Variants in NNT observed in about 807,000 individuals in gnomAD.
NNT encodes nicotinamide nucleotide transhydrogenase.
Under a neutral mutation model 104.8 loss-of-function variants are expected in NNT, and 50 were observed. The observed-to-expected ratio is 0.48, with a 90% confidence interval of 0.38 to 0.60. The LOEUF (loss-of-function observed/expected upper bound fraction) is 0.60. Ranked by LOEUF, NNT falls within the 20% of genes least tolerant of loss-of-function variation. NNT has a pLI of 0.00. For missense variants in NNT, 1,131 were observed against 1,330.7 expected (o/e 0.85, Z 2.33); for synonymous variants, 461 against 490.4 (o/e 0.94, Z 0.79).
At chr5:43,646,590 A>G (rs967637812) in intron 10 of NNT, among the ~76,000 whole-genome samples, 5 of 152,046 alleles carry the variant, frequency 3.3e-5, no homozygotes, top group Admixed American at 6.6e-5. Context: ...TCTACATCAA[A>G]TGTATTGAGA....
In NNT at chr5:43,624,098, A is replaced by G. The variant is rs1208496173; in HGVS notation, c.754A>G (p.Ile252Val). The G allele has an allele frequency of 5.6e-6, 9 of 1,613,998 alleles. No homozygotes were observed. Among genetic ancestry groups the G allele is most frequent in the South Asian group, 1.1e-5 (1 of 91,078 alleles). Reference protein sequence around the residue: ...SAGAAKSMGAIVRGFDTRAAA... With the variant: ...SAGAAKSMGAVVRGFDTRAAA... ...AGGCGCAGCAAAGTCGATGGGTGCA[A>G]TTGTTCGAGGATTTGACACAAGGTG... The change falls in exon 6 of 22, where the codon ATT becomes GTT. Residue 252 changes from isoleucine (I) to valine (V), a missense_variant. By Grantham distance (29) the Ile-to-Val change is conservative. Transcript: ENST00000344920.
rs1749602733 is a variant in NNT at position 43,613,331 on chromosome 5, G to C, written c.381+194G>C. On this transcript the variant is annotated intron_variant, in intron 3 of 21. Transcript: ENST00000344920. Reference sequence around the variant, plus strand: ...ACTTTTATCAGACAATATGATCTATGTTTAACCATGAGGAGAGAAAAAGTG... The same window carrying C: ...ACTTTTATCAGACAATATGATCTATCTTTAACCATGAGGAGAGAAAAAGTG... The C allele has an allele frequency of 9.2e-6, 5 of 541,670 alleles. No individual in the cohort carries two copies. The Admixed American group carries it at 1.7e-4, about 19-fold the overall frequency. 33.6% of individuals were successfully genotyped at this position (541,670 alleles called of 1,614,324 possible). A position where few individuals can be genotyped will look rare whatever the true frequency, so the allele number is the denominator to read the frequency against.
intron 19 of NNT, among the ~76,000 whole-genome samples, chr5:43,685,959 A>G (rs528851096): frequency 1.3e-5 from 2 of 152,232 alleles, no homozygotes; most frequent in South Asian, 4.1e-4. Flanking sequence ...AAAAAATAGT[A>G]CTTTTTGAAT....
At chr5:43,673,780 A>T (rs995993302) in intron 17 of NNT, among the ~76,000 whole-genome samples, 2 of 152,180 alleles carry the variant, frequency 1.3e-5, no homozygotes, top group Non-Finnish European at 2.9e-5. Flanking sequence ...GCACTTTGGG[A>T]GGCCGAGGCA....
chr5:43,660,623 C>G (rs1740304754), intron 17 of NNT, among the ~76,000 whole-genome samples: 1 of 152,128 alleles, frequency 6.6e-6, no homozygotes, highest in South Asian at 2.1e-4. Flanking sequence ...ACTCACAGCT[C>G]CACAGGCTTA....
chr5:43,617,080 G>A (rs1012144209), intron 4 of NNT, among the ~76,000 whole-genome samples: 3 of 152,120 alleles, frequency 2.0e-5, no homozygotes, highest in Admixed American at 2.0e-4. Flanking sequence ...TCTACTTTGT[G>A]TTTTAGCTGC....
At chr5:43,631,712 C>G (rs1750685849) in intron 7 of NNT, among the ~76,000 whole-genome samples, 1 of 152,030 alleles carries the variant, frequency 6.6e-6, no homozygotes, top group South Asian at 2.1e-4. Context: ...CAGGGCCTTC[C>G]CCTCTCCCCA....
intron 15 of NNT, among the ~76,000 whole-genome samples, chr5:43,656,344 G>T (rs943882556): frequency 1.3e-5 from 2 of 152,132 alleles, no homozygotes; most frequent in Admixed American, 6.6e-5. Flanking sequence ...CAGTAAAACT[G>T]TTAGGTGAAG....
intron 7 of NNT, among the ~76,000 whole-genome samples, chr5:43,632,403 A>G (rs985693455): frequency 2.0e-5 from 3 of 152,230 alleles, no homozygotes; most frequent in Non-Finnish European, 4.4e-5. Context: ...AACTAGTTTC[A>G]GGGAGCAACT....
At chr5:43,614,180 A>G (rs149407886) in intron 3 of NNT, among the ~76,000 whole-genome samples, 7 of 152,356 alleles carry the variant, frequency 4.6e-5, no homozygotes, top group South Asian at 2.1e-4. Context: ...AAAAAGCCCT[A>G]TAAGGGTGTG....
At chr5:43,683,772 A>G (rs141211655) in intron 19 of NNT, among the ~76,000 whole-genome samples, 341 of 152,336 alleles carry the variant, frequency 2.2e-3, no homozygotes, top group African/African-American at 7.8e-3. Flanking sequence ...AATATGCCAG[A>G]ATGTAATATT....
chr5:43,621,204 G>A (rs558065232), intron 5 of NNT, among the ~76,000 whole-genome samples: 13 of 152,170 alleles, frequency 8.5e-5, no homozygotes, highest in Non-Finnish European at 1.6e-4. Context: ...TTTTGAATGC[G>A]GCCCAACACA....
At chr5:43,679,425 C>G (rs1741588334) in intron 19 of NNT, among the ~76,000 whole-genome samples, 1 of 152,116 alleles carries the variant, frequency 6.6e-6, no homozygotes, top group Non-Finnish European at 1.5e-5. Flanking sequence ...CTCTTGTTAC[C>G]TGTTGATCAG....
chr5:43,672,697 G>C (rs1445425403), intron 17 of NNT, among the ~76,000 whole-genome samples: 1 of 152,222 alleles, frequency 6.6e-6, no homozygotes, highest in East Asian at 1.9e-4. Context: ...TGCCCCTACT[G>C]GAGGGTGCCT....
chr5:43,653,926 G>A (rs1739903387), intron 14 of NNT, among the ~76,000 whole-genome samples: 1 of 151,036 alleles, frequency 6.6e-6, no homozygotes, highest in Non-Finnish European at 1.5e-5. Flanking sequence ...CTGCACTCCA[G>A]CCTGGGTGAC....
In NNT at chr5:43,633,105, A is replaced by G. The variant is rs929514747; in HGVS notation, c.964+4718A>G. ...TAGTCCTTACTAATTTAGGGGAACC[A>G]TAGCTATTCTAAGGCCTGGGTTTTT... is the stretch of plus-strand genomic sequence containing the variant. On this transcript the variant is annotated intron_variant, in intron 7 of 21. Coordinates refer to ENST00000344920, the MANE Select transcript of NNT (RefSeq NM_182977.3). 2.6e-5 allele frequency among the ~76,000 whole-genome samples: 4 copies of G among 152,208 alleles called. No homozygotes were observed. In the East Asian group the frequency reaches 7.7e-4, roughly 29 times the overall value.
Position 43,704,488 on chromosome 5 carries a change from T to C in NNT, c.*84T>C, listed in dbSNP as rs1363686799. Reference sequence around the variant, plus strand: ...AATAAAGTATCAGTATACATGGTGATGTACATCTGTAGCAAAGCTCTTGGA... The same window carrying C: ...AATAAAGTATCAGTATACATGGTGACGTACATCTGTAGCAAAGCTCTTGGA... On this transcript the variant is annotated 3_prime_UTR_variant, in exon 22 of 22. Coordinates refer to ENST00000344920, the MANE Select transcript of NNT (RefSeq NM_182977.3). 3 of 1,366,926 alleles carry C rather than the reference T, an allele frequency of 2.2e-6. No homozygotes were observed. Among genetic ancestry groups the C allele is most frequent in the East Asian group, 2.5e-5 (1 of 40,308 alleles). 84.7% of individuals were successfully genotyped at this position (1,366,926 alleles called of 1,614,324 possible).
chr5:43,693,726 G>A (rs1487614675), intron 19 of NNT, among the ~76,000 whole-genome samples: 1 of 152,084 alleles, frequency 6.6e-6, no homozygotes, highest in African/African-American at 2.4e-5. Context: ...ATTAACTTAA[G>A]TGTTGAACTA....
chr5:43,629,139 T>C (rs1750535978), intron 7 of NNT, among the ~76,000 whole-genome samples: 1 of 152,110 alleles, frequency 6.6e-6, no homozygotes, highest in Non-Finnish European at 1.5e-5. Context: ...ATGTTTAGTC[T>C]TTTATCCCTC....
Sources: allele counts gnomAD v4.1 joint callset (sites outside exome capture counted in the v4.1 genomes callset), GRCh38; gene constraint gnomAD v4.1.1; transcripts MANE v1.5; gene names NCBI Gene and HGNC (gene_info 2026-07-23, HGNC 2026-07-21).